The following HSPG2 variants were observed in gnomAD, a reference collection of about 807,000 sequenced individuals.
HSPG2 encodes the protein heparan sulfate proteoglycan 2.
In HSPG2, 278 loss-of-function variants were observed where a neutral mutation model predicts 526.6. The observed-to-expected ratio is 0.53, with a 90% CI of 0.48 to 0.58. The LOEUF is 0.58. Ranked by LOEUF, HSPG2 falls within the 20% of genes least tolerant of loss-of-function variation. HSPG2 has a pLI of 0.00. For missense variants in HSPG2, 5,354 were observed against 6,099.5 expected, an observed-to-expected ratio of 0.88 and a Z score of 4.07; for synonymous variants, 2,465 against 2,555.4, an observed-to-expected ratio of 0.96 and a Z score of 1.07.
intron 66 of HSPG2, 49 bp downstream of exon 66, chr1:21,843,248 G>A: frequency 6.2e-7 from 1 of 1,611,854 alleles, no homozygotes; most frequent in South Asian, 1.1e-5. Context: ...AGCTGGGAAG[G>A]AGCCCCGCGC....
chr1:21,844,418 G>A (rs914244065), intron 64 of HSPG2, 119 bp from the exon 65 acceptor site: 55 of 1,135,882 alleles, frequency 4.8e-5, no homozygotes, highest in Admixed American at 7.7e-5. Context: ...TTCCCTTCCC[G>A]TTCCATTGAG....
At position 21,847,389 on chromosome 1, in the gene HSPG2, A is replaced by C. The variant is rs1166453856; in HGVS notation, c.8129T>G (p.Val2710Gly). 6.2e-7 allele frequency: 1 copy of C among 1,613,978 alleles called. No individual in the cohort carries two copies. The highest frequency in any genetic ancestry group is 1.7e-5 in the Admixed American group (1 of 60,034). The change falls in exon 62 of 97, where the codon GTC (valine) becomes GGC (glycine). Residue 2710 changes from valine to glycine, a missense_variant. Coordinates refer to ENST00000374695, the MANE Select transcript of HSPG2 (RefSeq NM_005529.7). This position sits in a 1 kb window ranked among gnomAD's most constrained non-coding sequence, Gnocchi z 4.1. ...NNIDALEASI[V>G]ISVSPSAGSP... ...GCCGGCGCTAGGGGAGACGGAGATG[A>C]CGATGGAGGCCTCCAGGGCATCGAT...
intron 33 of HSPG2, chr1:21,870,782 AGG>A: frequency 1.0e-6 from 1 of 971,270 alleles, no homozygotes; most frequent in Non-Finnish European, 1.2e-6. Context: ...GCACCCGAGA[AGG>A]CACCACGCCC....
At chr1:21,857,853 A>G (rs1639462693) in intron 42 of HSPG2, among the ~76,000 whole-genome samples, 1 of 152,002 alleles carries the variant, frequency 6.6e-6, no homozygotes. Context: ...CAGCCTCTCA[A>G]ATCTACCAGC....
intron 70 of HSPG2, 55 bp downstream of exon 70, chr1:21,841,484 C>T: frequency 6.2e-7 from 1 of 1,611,130 alleles, no homozygotes; most frequent in South Asian, 1.1e-5. Context: ...AGGCTCTGAG[C>T]TGAGAATCAG....
At position 21,876,724 on chromosome 1, in the gene HSPG2, C is replaced by T; in HGVS notation, c.2686-72G>A. On this transcript the variant is annotated intron_variant, in intron 21 of 96. Transcript: ENST00000374695. ...GCCTGGAGCTCTGGCCGAATCCACC[C>T]TCAGTCCAGATAAGAACCCAAGACC... 3.1e-6 allele frequency: 5 copies of T among 1,598,766 alleles called. No individual in the cohort carries two copies. The East Asian group carries it at 1.1e-4, about 36-fold the overall frequency.
intron 57 of HSPG2, 59 bp downstream of exon 57, chr1:21,849,982 C>T: frequency 1.2e-5 from 20 of 1,606,398 alleles, no homozygotes; most frequent in Non-Finnish European, 1.5e-5. Flanking sequence ...CCGGTCAAGC[C>T]TATGCTCTTG....
intron 1 of HSPG2, among the ~76,000 whole-genome samples, chr1:21,921,033 AAC>A (rs1442249606): frequency 6.6e-6 from 1 of 152,196 alleles, no homozygotes; most frequent in Non-Finnish European, 1.5e-5. Context: ...TTCTCCTAAT[AAC>A]AAAAACTATA....
intron 29 of HSPG2, 30 bp downstream of exon 29, chr1:21,873,894 AT>A: frequency 1.3e-6 from 2 of 1,534,074 alleles, no homozygotes; most frequent in Non-Finnish European, 1.8e-6. Flanking sequence ...CCCTGTGCGC[AT>A]CCCCCCACCC....
intron 1 of HSPG2, among the ~76,000 whole-genome samples, chr1:21,912,837 C>A (rs776508155): frequency 6.6e-6 from 1 of 152,052 alleles, no homozygotes; most frequent in African/African-American, 2.4e-5. Flanking sequence ...AAAATTAGCA[C>A]AGCATGGTGG....
In HSPG2 at chr1:21,835,521, C is replaced by A. The variant is rs766565745; in HGVS notation, c.10453+19G>T. On this transcript the variant is annotated intron_variant, in intron 76 of 96. Coordinates refer to ENST00000374695, the MANE Select transcript of HSPG2 (RefSeq NM_005529.7). ...CTCTGTTCCCTGCTCTTAGCAGAGG[C>A]CTGAAGCCACCCTCCTACCTTGGAT... 1.9e-6 allele frequency: 3 copies of A among 1,561,220 alleles called. No homozygotes were observed. The highest frequency in any genetic ancestry group is 2.7e-6 in the Non-Finnish European group (3 of 1,131,968).
intron 74 of HSPG2, among the ~76,000 whole-genome samples, chr1:21,837,933 C>T (rs2098033174): frequency 1.3e-5 from 2 of 151,714 alleles, no homozygotes; most frequent in African/African-American, 4.8e-5. Context: ...GTCAGGAGTT[C>T]GAGACCAGCC....
In HSPG2 at chr1:21,836,899, G is replaced by A. The variant is rs754689520; in HGVS notation, c.10258C>T (p.His3420Tyr). 5.7e-6 allele frequency: 9 copies of A among 1,566,372 alleles called. No homozygotes were observed. In the South Asian group the frequency reaches 1.1e-4, roughly 18 times the overall value. ...TKSIGASVEF[H>Y]CAVPSDRGTQ... ...CCCCGGTCGCTGGGCACAGCACAGT[G>A]GAACTCAACGCTGGCCCCAATGCTC... The change falls in exon 75 of 97, where the codon CAC (histidine) becomes TAC (tyrosine). Residue 3420 changes from histidine to tyrosine, a missense_variant. His to Tyr is a moderately conservative substitution (Grantham distance 83). Coordinates refer to ENST00000374695, the MANE Select transcript of HSPG2 (RefSeq NM_005529.7).
chr1:21,865,849 G>C lies in HSPG2; in HGVS notation c.4222-40C>G. ...GCCCAGAGGTCACAGGCTGACCTTG[G>C]GGTGTGAGTGTTGGACCATATAGGT... On this transcript the variant is annotated intron_variant, in intron 33 of 96. Coordinates refer to ENST00000374695, the MANE Select transcript of HSPG2 (RefSeq NM_005529.7). This position sits in a 1 kb window ranked among gnomAD's most constrained non-coding sequence, Gnocchi z 5.4. 6.6e-7 allele frequency: 1 copy of C among 1,509,338 alleles called. No homozygotes were observed. The highest frequency in any genetic ancestry group is 9.2e-7 in the Non-Finnish European group (1 of 1,085,934). 93.5% of individuals were successfully genotyped at this position (1,509,338 alleles called of 1,614,324 possible).
At chr1:21,838,135 CAAA>C (rs35291473) in intron 74 of HSPG2, among the ~76,000 whole-genome samples, 4,426 of 75,106 alleles carry the variant, frequency 0.059, 65 homozygotes, top group South Asian at 0.17. Flanking sequence ...GATTCTGTCT[CAAA>C]AAAAAAAAAA....
In HSPG2 at chr1:21,847,245, C is replaced by T. The variant is rs1217034083; in HGVS notation, c.8164+109G>A. 20 of 1,270,296 alleles carry T rather than the reference C, an allele frequency of 1.6e-5. No homozygotes were observed. Among genetic ancestry groups the T allele is most frequent in the Non-Finnish European group, 2.2e-5 (19 of 878,526 alleles). 78.7% of individuals were successfully genotyped at this position (1,270,296 alleles called of 1,614,324 possible). A position where few individuals can be genotyped will look rare whatever the true frequency, so the allele number is the denominator to read the frequency against. On this transcript the variant is annotated intron_variant, in intron 62 of 96. Transcript: ENST00000374695. This position sits in a 1 kb window ranked among gnomAD's most constrained non-coding sequence, Gnocchi z 4.1. Reference sequence around the variant, plus strand: ...GCCACTGAACCCACGCATCTTTCCGCTGGCCCTTGCCTGAGTACCACCAGG... The same window carrying T: ...GCCACTGAACCCACGCATCTTTCCGTTGGCCCTTGCCTGAGTACCACCAGG...
rs1043019595 is a variant in HSPG2 at position 21,893,976 on chromosome 1, A to G, written c.244+1946T>C. Among the ~76,000 whole-genome samples the G allele has an allele frequency of 6.6e-6, 1 of 152,018 alleles. No individual in the cohort carries two copies. ...GAGGGAGAAGAACAGGATGAGGCAG[A>G]GGGAGGAGGCGCAGAGACAGACACT... On this transcript the variant is annotated intron_variant, in intron 3 of 96. Coordinates refer to ENST00000374695, the MANE Select transcript of HSPG2 (RefSeq NM_005529.7). The surrounding 1 kb of genome is among the most constrained non-coding windows in gnomAD (Gnocchi z 4.3).
rs758801322 is a variant in HSPG2, at chr1:21,854,738, T to C, written c.6161A>G (p.Lys2054Arg). 4.3e-6 allele frequency: 7 copies of C among 1,613,690 alleles called. No individual in the cohort carries two copies. The Admixed American group carries it at 5.0e-5, about 12-fold the overall frequency. The change falls in exon 49 of 97, where the codon AAG becomes AGG. Residue 2054 changes from lysine (K) to arginine (R), a missense_variant. Coordinates refer to ENST00000374695, the MANE Select transcript of HSPG2 (RefSeq NM_005529.7). ...SASDASPPPV[K>R]IESSSPSVTE... Reference sequence around the variant, plus strand: ...CACAGAAGGCGATGAGGACTCAATCTTGACCGGCGGTGGGCTGGCATCTGA... The same window carrying C: ...CACAGAAGGCGATGAGGACTCAATCCTGACCGGCGGTGGGCTGGCATCTGA...
At chr1:21,933,268 AGG>A (rs1274362442) in intron 1 of HSPG2, among the ~76,000 whole-genome samples, 2 of 151,392 alleles carry the variant, frequency 1.3e-5, no homozygotes, top group Non-Finnish European at 2.9e-5. Flanking sequence ...GTATAGCTGG[AGG>A]AGTTTGAGAG....
Sources: allele counts gnomAD v4.1 joint callset (sites outside exome capture counted in the v4.1 genomes callset), GRCh38; gene constraint gnomAD v4.1.1; non-coding constraint Gnocchi (gnomAD v3.1); transcripts MANE v1.5; gene names NCBI Gene and HGNC (gene_info 2026-07-23, HGNC 2026-07-21).